UBR7: variants seen among roughly 807,000 people sequenced by gnomAD.
The protein encoded by UBR7 is putative E3 ubiquitin-protein ligase UBR7.
Under a neutral mutation model 57.0 loss-of-function variants are expected in UBR7, and 22 were observed. The observed-to-expected ratio is 0.39, with a 90% confidence interval of 0.28 to 0.55. The LOEUF (loss-of-function observed/expected upper bound fraction) is 0.55. UBR7 is among the 20% of genes least tolerant of loss of function. UBR7 has a pLI of 0.69. For missense variants in UBR7, 395 were observed against 513.2 expected (o/e 0.77, Z 2.23); for synonymous variants, 167 against 179.8 (o/e 0.93, Z 0.57).
At chr14:93,208,518 G>A (rs1023361839) in intron 1 of UBR7, among the ~76,000 whole-genome samples, 1 of 150,904 alleles carries the variant, frequency 6.6e-6, no homozygotes, top group South Asian at 2.1e-4. Context: ...TTTTTGAAGT[G>A]TAGTTACCTT....
chr14:93,219,834 G>A (rs1437006122), intron 8 of UBR7, among the ~76,000 whole-genome samples: 1 of 152,134 alleles, frequency 6.6e-6, no homozygotes, highest in African/African-American at 2.4e-5. Flanking sequence ...AATTAGCTGG[G>A]TGTGGTGGCA....
rs139082604 is a variant in UBR7 at position 93,221,875 on chromosome 14, C to T, written c.1124-438C>T. 3.5e-4 allele frequency among the ~76,000 whole-genome samples: 53 copies of T among 151,922 alleles called. No individual in the cohort carries two copies. In the East Asian group the frequency reaches 9.6e-3, roughly 28 times the overall value. On this transcript the variant is annotated intron_variant, in intron 9 of 10. Coordinates refer to ENST00000013070, the MANE Select transcript of UBR7 (RefSeq NM_175748.4). Reference sequence around the variant, plus strand: ...GCGCGTGCCTGTAGTCCCAGCTACTCGGGAGGCGGAGGTTGCAGTGAGCCG... The same window carrying T: ...GCGCGTGCCTGTAGTCCCAGCTACTTGGGAGGCGGAGGTTGCAGTGAGCCG...
chr14:93,219,656 T>G (rs933473553), intron 8 of UBR7, among the ~76,000 whole-genome samples: 8 of 152,212 alleles, frequency 5.3e-5, no homozygotes, highest in African/African-American at 1.9e-4. Flanking sequence ...TATATCAAAG[T>G]TGCTTGGAAA....
At chr14:93,223,440 G>A (rs1159860256) in intron 10 of UBR7, among the ~76,000 whole-genome samples, 2 of 148,938 alleles carry the variant, frequency 1.3e-5, no homozygotes, top group East Asian at 2.0e-4. Flanking sequence ...GCTTGTACCT[G>A]TAGTTTCAGC....
intron 9 of UBR7, 53 bp downstream of exon 9, chr14:93,220,464 A>G: frequency 6.2e-7 from 1 of 1,604,058 alleles, no homozygotes; most frequent in South Asian, 1.1e-5. Context: ...ATGTAAAAAA[A>G]TATAAAGGGG....
chr14:93,207,571 C>A, intron 1 of UBR7, 130 bp downstream of exon 1: 1 of 1,270,014 alleles, frequency 7.9e-7, no homozygotes, highest in Non-Finnish European at 1.1e-6. Flanking sequence ...GTTAGTCTGC[C>A]GCTTCCTCAC....
At chr14:93,223,702 T>C in intron 10 of UBR7, 1 of 983,906 alleles carries the variant, frequency 1.0e-6, no homozygotes, top group Non-Finnish European at 1.6e-6. Context: ...TGGAACTGCT[T>C]GATGGCCGGC....
At chr14:93,224,067 G>T in intron 10 of UBR7, 1 of 1,028,752 alleles carries the variant, frequency 9.7e-7, no homozygotes, top group Non-Finnish European at 1.5e-6. Context: ...TAGAGGGGCG[G>T]TGTGTGGCAT....
At chr14:93,226,561 C>T (rs1332143617) in intron 10 of UBR7, among the ~76,000 whole-genome samples, 1 of 152,134 alleles carries the variant, frequency 6.6e-6, no homozygotes, top group Admixed American at 6.5e-5. Flanking sequence ...GAGGCCGAGG[C>T]AGGCGGATCA....
chr14:93,224,358 A>G (rs1409586625), intron 10 of UBR7, among the ~76,000 whole-genome samples: 1 of 144,732 alleles, frequency 6.9e-6, no homozygotes, highest in East Asian at 2.0e-4. Flanking sequence ...AACAATTCCT[A>G]CTTCCTTACA....
chr14:93,220,457 T>TA (rs781424938), intron 9 of UBR7, 46 bp downstream of exon 9: 18 of 1,608,104 alleles, frequency 1.1e-5, no homozygotes, highest in Admixed American at 3.3e-5. Context: ...CTTCACTATG[T>TA]AAAAAAATAT....
chr14:93,226,640 A>T (rs1595272435), intron 10 of UBR7, among the ~76,000 whole-genome samples: 1 of 152,060 alleles, frequency 6.6e-6, no homozygotes, highest in East Asian at 1.9e-4. Context: ...AATACAAAAA[A>T]AAATTAGCCG....
At chr14:93,224,372 C>CTTTTTTTTTT (rs761189322) in intron 10 of UBR7, among the ~76,000 whole-genome samples, 1 of 93,792 alleles carries the variant, frequency 1.1e-5, no homozygotes, top group Non-Finnish European at 1.9e-5. Flanking sequence ...CCTTACAGTT[C>CTTTTTTTTTT]TTTTTTTTTT....
rs955552787 is a variant in UBR7, at chr14:93,227,693, C to T, written c.*658C>T. 7 of 700,782 alleles carry T rather than the reference C, an allele frequency of 1.0e-5. No individual in the cohort carries two copies. Among genetic ancestry groups the T allele is most frequent in the Non-Finnish European group, 1.8e-5 (7 of 384,828 alleles). 43.4% of individuals were successfully genotyped at this position (700,782 alleles called of 1,614,324 possible). ...CAGATGACAGGGTTGAGGAAGCAAG[C>T]CTTTGTTATGAATTTTACTAATACA... On this transcript the variant is annotated 3_prime_UTR_variant, in exon 11 of 11. Coordinates refer to ENST00000013070, the MANE Select transcript of UBR7 (RefSeq NM_175748.4).
intron 4 of UBR7, among the ~76,000 whole-genome samples, chr14:93,213,802 A>G (rs921240762): frequency 2.6e-5 from 4 of 152,186 alleles, no homozygotes; most frequent in African/African-American, 9.6e-5. Flanking sequence ...CTTTAGAGAT[A>G]TTAGTCTTCT....
chr14:93,222,442 C>A, intron 10 of UBR7, 68 bp downstream of exon 10: 4 of 1,239,812 alleles, frequency 3.2e-6, no homozygotes, highest in Non-Finnish European at 4.8e-6. Context: ...TTTCCTTTGA[C>A]GATTAAAAAT....
rs529694474 is a variant in UBR7 at position 93,227,790 on chromosome 14, G to T, written c.*755G>T. 3 of 700,682 alleles carry T rather than the reference G, an allele frequency of 4.3e-6. No individual in the cohort carries two copies. Among genetic ancestry groups the T allele is most frequent in the Non-Finnish European group, 7.8e-6 (3 of 384,802 alleles). 43.4% of individuals were successfully genotyped at this position (700,682 alleles called of 1,614,324 possible). On this transcript the variant is annotated 3_prime_UTR_variant, in exon 11 of 11. Coordinates refer to ENST00000013070, the MANE Select transcript of UBR7 (RefSeq NM_175748.4). ...AATTTCAGTACTGTAGTGCTCACAG[G>T]GCTTCCTGGAGAACATTTGCCCGTA...
At chr14:93,211,966 T>C in intron 3 of UBR7, 66 bp from the exon 4 acceptor site, 1 of 1,276,660 alleles carries the variant, frequency 7.8e-7, no homozygotes, top group Non-Finnish European at 1.1e-6. Flanking sequence ...TGCATAAATT[T>C]TATAATGTGT....
intron 6 of UBR7, among the ~76,000 whole-genome samples, chr14:93,215,674 A>G (rs977742079): frequency 6.8e-6 from 1 of 147,822 alleles, no homozygotes; most frequent in Non-Finnish European, 1.5e-5. Flanking sequence ...GGGCAATAGA[A>G]CAAGACTCCA....
Sources: gnomAD v4.1 joint callset for allele counts (sites outside exome capture counted in the v4.1 genomes callset) on GRCh38, gnomAD v4.1.1 for gene constraint, MANE v1.5 for transcripts, NCBI Gene and HGNC (gene_info 2026-07-23, HGNC 2026-07-21) for gene names.